RNGTT: variants seen among roughly 807,000 people sequenced by gnomAD.
RNGTT encodes mRNA-capping enzyme.
A neutral mutation model predicts 79.3 loss-of-function variants in RNGTT; 33 were observed. The observed-to-expected ratio is 0.42, with a 90% CI of 0.32 to 0.56. The LOEUF (loss-of-function observed/expected upper bound fraction) is 0.56, where lower values mean the gene tolerates loss of function less well. Among genes scored for constraint, RNGTT ranks in the 20% least tolerant of loss-of-function variants. RNGTT has a pLI of 0.17. For missense variants in RNGTT, 497 were observed against 739.1 expected (o/e 0.67, Z 3.80); for synonymous variants, 222 against 235.9 (o/e 0.94, Z 0.54).
chr6:88,623,427 A>T (rs1316477671), intron 14 of RNGTT, among the ~76,000 whole-genome samples: 1 of 152,020 alleles, frequency 6.6e-6, no homozygotes, highest in African/African-American at 2.4e-5. Context: ...CAATGCAGTA[A>T]ATGGCAACTC....
intron 13 of RNGTT, among the ~76,000 whole-genome samples, chr6:88,742,888 C>T (rs1320919328): frequency 2.6e-5 from 4 of 152,092 alleles, no homozygotes; most frequent in Non-Finnish European, 5.9e-5. Flanking sequence ...ACATGCAAGG[C>T]AAATGCATAG....
intron 4 of RNGTT, among the ~76,000 whole-genome samples, chr6:88,912,451 C>T (rs1047729624): frequency 6.6e-6 from 1 of 151,962 alleles, no homozygotes; most frequent in Non-Finnish European, 1.5e-5. Context: ...CTCAAACTAT[C>T]TAATATCGCA....
chr6:88,799,258 C>A (rs1422503861), intron 12 of RNGTT, among the ~76,000 whole-genome samples: 3 of 151,986 alleles, frequency 2.0e-5, no homozygotes, highest in Non-Finnish European at 4.4e-5. Context: ...TCCAATTAAA[C>A]TCCTAACAAA....
chr6:88,660,921 A>C (rs1233572291), intron 14 of RNGTT, among the ~76,000 whole-genome samples: 8 of 152,222 alleles, frequency 5.3e-5, no homozygotes, highest in Non-Finnish European at 1.5e-5. Context: ...ATAGGTCACA[A>C]AACAAGTCTC....
chr6:88,858,354 T>C (rs1348600964), intron 8 of RNGTT, among the ~76,000 whole-genome samples: 8 of 152,098 alleles, frequency 5.3e-5, no homozygotes, highest in Admixed American at 5.3e-4. Flanking sequence ...CTTCACATCA[T>C]TTACACTCTT....
chr6:88,644,106 AAG>A (rs1773433536), intron 14 of RNGTT, among the ~76,000 whole-genome samples: 1 of 152,312 alleles, frequency 6.6e-6, no homozygotes, highest in Admixed American at 6.5e-5. Flanking sequence ...GACCACTAGG[AAG>A]ACTAATAAAG....
Position 88,649,470 on chromosome 6 carries a change from G to A in RNGTT, c.1506+28883C>T, listed in dbSNP as rs190635203. On this transcript the variant is annotated intron_variant, in intron 14 of 15. Transcript: ENST00000369485. ...TCCCAGCACTTTGGGAGGCCGAGGC[G>A]GTGGATCACGAGGTCAGGAGATCGA... Among the ~76,000 whole-genome samples, 320 of 152,232 alleles carry A rather than the reference G, an allele frequency of 2.1e-3. 2 individuals are homozygous for A. The highest frequency in any genetic ancestry group is 7.4e-3 in the African/African-American group (306 of 41,528).
chr6:88,868,124 T>C (rs990370053), intron 8 of RNGTT, among the ~76,000 whole-genome samples: 1 of 151,756 alleles, frequency 6.6e-6, no homozygotes, highest in African/African-American at 2.4e-5. Context: ...AAATAGTCTC[T>C]TACCACACTC....
At chr6:88,618,298 C>T (rs1301378823) in intron 14 of RNGTT, among the ~76,000 whole-genome samples, 1 of 152,192 alleles carries the variant, frequency 6.6e-6, no homozygotes, top group African/African-American at 2.4e-5. Context: ...ACAAGTTACT[C>T]ATTTGGTTAG....
intron 12 of RNGTT, among the ~76,000 whole-genome samples, chr6:88,776,674 A>T (rs2127846929): frequency 6.6e-6 from 1 of 152,050 alleles, no homozygotes; most frequent in Non-Finnish European, 1.5e-5. Flanking sequence ...GAAAAAAAAA[A>T]AAAAAAGTCT....
In RNGTT at chr6:88,737,327, G is replaced by A. The variant is rs116779032; in HGVS notation, c.1439+32447C>T. On this transcript the variant is annotated intron_variant, in intron 13 of 15. Coordinates refer to ENST00000369485, the MANE Select transcript of RNGTT (RefSeq NM_003800.5). ...CACAGCTAGAGAGAATTTTGTCTCA[G>A]GACGAATCATACCTCGAGTCTTACC... Among the ~76,000 whole-genome samples, 569 of 152,256 alleles carry A rather than the reference G, an allele frequency of 3.7e-3. 5 individuals carry two copies. The highest frequency in any genetic ancestry group is 0.013 in the African/African-American group (553 of 41,548).
chr6:88,739,336 G>GT (rs898214218), intron 13 of RNGTT, among the ~76,000 whole-genome samples: 1 of 152,080 alleles, frequency 6.6e-6, no homozygotes, highest in African/African-American at 2.4e-5. Flanking sequence ...CTTCCAGCTG[G>GT]TAAGTGTTTT....
chr6:88,910,105 G>A (rs1783784604), intron 4 of RNGTT, among the ~76,000 whole-genome samples: 1 of 152,136 alleles, frequency 6.6e-6, no homozygotes, highest in African/African-American at 2.4e-5. Flanking sequence ...CCAAAGGATT[G>A]CATATACTCC....
intron 1 of RNGTT, among the ~76,000 whole-genome samples, chr6:88,949,158 T>TAAAAAAAAAAAAAA (rs1491197999): frequency 5.6e-5 from 1 of 18,008 alleles, no homozygotes; most frequent in Non-Finnish European, 1.1e-4. Flanking sequence ...TAAAATAAAA[T>TAAAAAAAAAAAAAA]GAAAAAAAAA....
At chr6:88,634,533 A>G (rs1242214271) in intron 14 of RNGTT, among the ~76,000 whole-genome samples, 1 of 152,156 alleles carries the variant, frequency 6.6e-6, no homozygotes, top group African/African-American at 2.4e-5. Context: ...ACAGACAGAG[A>G]AAAGACATAT....
chr6:88,648,546 A>T (rs1773668706), intron 14 of RNGTT, among the ~76,000 whole-genome samples: 1 of 152,054 alleles, frequency 6.6e-6, no homozygotes, highest in South Asian at 2.1e-4. Context: ...CTCCCTATAC[A>T]AACCTCTGCA....
intron 13 of RNGTT, among the ~76,000 whole-genome samples, chr6:88,717,509 T>C (rs9451063): frequency 0.041 from 6,233 of 152,300 alleles, 420 homozygotes; most frequent in African/African-American, 0.14. Context: ...AATTAAATTA[T>C]ATGTTCCTGC....
chr6:88,644,791 A>G lies in RNGTT; in HGVS notation c.1507-30396T>C, dbSNP rs150353717. On this transcript the variant is annotated intron_variant, in intron 14 of 15. Coordinates refer to ENST00000369485, the MANE Select transcript of RNGTT (RefSeq NM_003800.5). Reference sequence around the variant, plus strand: ...AATAGATGCAGAAAAGGCCTTTGACAAAATTCAACAGCGCTTCATGCTAAA... The same window carrying G: ...AATAGATGCAGAAAAGGCCTTTGACGAAATTCAACAGCGCTTCATGCTAAA... Among the ~76,000 whole-genome samples the G allele has an allele frequency of 5.1e-3, 783 of 152,360 alleles. 7 individuals are homozygous for G. The highest frequency in any genetic ancestry group is 0.017 in the African/African-American group (711 of 41,590).
intron 13 of RNGTT, among the ~76,000 whole-genome samples, chr6:88,692,960 C>T (rs1349294740): frequency 6.6e-6 from 1 of 151,764 alleles, no homozygotes; most frequent in Admixed American, 6.6e-5. Context: ...AAAAGCAACA[C>T]ACCAAAACTG....
Sources: allele counts gnomAD v4.1 joint callset (sites outside exome capture counted in the v4.1 genomes callset), GRCh38; gene constraint gnomAD v4.1.1; transcripts MANE v1.5; gene names NCBI Gene and HGNC (gene_info 2026-07-23, HGNC 2026-07-21).